Variants in CLIC4 observed in about 807,000 individuals in gnomAD.
CLIC4 encodes the protein CLIC family member 4.
Under a neutral mutation model 24.6 loss-of-function variants are expected in CLIC4, and 13 were observed. The observed-to-expected ratio is 0.53, with a 90% CI of 0.34 to 0.84. The LOEUF (loss-of-function observed/expected upper bound fraction) is 0.84. CLIC4 is among the 40% of genes least tolerant of loss of function. The pLI is 0.01. For missense variants in CLIC4, 227 were observed against 301.7 expected, an observed-to-expected ratio of 0.75 and a Z score of 1.83; for synonymous variants, 104 against 111.3, an observed-to-expected ratio of 0.93 and a Z score of 0.41.
At chr1:24,819,384 T>C (rs924196761) in intron 3 of CLIC4, among the ~76,000 whole-genome samples, 4 of 152,192 alleles carry the variant, frequency 2.6e-5, no homozygotes, top group Non-Finnish European at 5.9e-5. Flanking sequence ...AATTGAAGCT[T>C]TATACGTCTC....
intron 3 of CLIC4, among the ~76,000 whole-genome samples, chr1:24,826,481 C>T (rs1373806456): frequency 1.3e-5 from 2 of 152,124 alleles, no homozygotes; most frequent in African/African-American, 4.8e-5. Context: ...TTTGAGAAGG[C>T]GCGTGAGCTG....
chr1:24,824,052 C>A (rs940590127), intron 3 of CLIC4, among the ~76,000 whole-genome samples: 3 of 152,158 alleles, frequency 2.0e-5, no homozygotes, highest in Non-Finnish European at 4.4e-5. Context: ...TGAGTTCTCA[C>A]AATAATTGAA....
chr1:24,780,495 A>T (rs973394523), intron 1 of CLIC4, among the ~76,000 whole-genome samples: 5 of 152,214 alleles, frequency 3.3e-5, no homozygotes, highest in African/African-American at 1.2e-4. Context: ...ACTCATGGCA[A>T]TCTTGTCACA....
At chr1:24,799,362 C>T (rs1040995719) in intron 2 of CLIC4, among the ~76,000 whole-genome samples, 4 of 150,970 alleles carry the variant, frequency 2.6e-5, no homozygotes, top group Admixed American at 2.0e-4. Flanking sequence ...AGGTGAGGAG[C>T]GTCTCTGTCC....
intron 1 of CLIC4, among the ~76,000 whole-genome samples, chr1:24,774,275 T>G (rs1462211000): frequency 6.6e-6 from 1 of 152,056 alleles, no homozygotes; most frequent in East Asian, 1.9e-4. Flanking sequence ...CACGCCCAGC[T>G]AAGTAACTTC....
rs184101905 is a variant in CLIC4 at position 24,761,909 on chromosome 1, A to G, written c.72+16284A>G. On this transcript the variant is annotated intron_variant, in intron 1 of 5. Transcript: ENST00000374379. ...TTTGTAATTAGAGCCACTGGTCAAG[A>G]GTTGCCGTTCATGGAGAGGGAGGAG... 6.6e-5 allele frequency among the ~76,000 whole-genome samples: 10 copies of G among 152,242 alleles called. No homozygotes were observed. In the East Asian group the frequency reaches 1.7e-3, roughly 26 times the overall value.
intron 1 of CLIC4, among the ~76,000 whole-genome samples, chr1:24,759,424 G>A (rs1638892216): frequency 6.6e-6 from 1 of 151,876 alleles, no homozygotes; most frequent in South Asian, 2.1e-4. Context: ...AGCCATGGTT[G>A]TTGGTGGTAG....
At chr1:24,807,410 C>T (rs1424494931) in intron 2 of CLIC4, among the ~76,000 whole-genome samples, 1 of 152,062 alleles carries the variant, frequency 6.6e-6, no homozygotes, top group Non-Finnish European at 1.5e-5. Flanking sequence ...TGCGCTCTTA[C>T]ACATGGAGCA....
chr1:24,757,662 G>GA (rs112697661), intron 1 of CLIC4, among the ~76,000 whole-genome samples: 3,092 of 151,614 alleles, frequency 0.02, 97 homozygotes, highest in African/African-American at 0.071. Context: ...GACTAATTAG[G>GA]AAAAAAAAGA....
intron 1 of CLIC4, among the ~76,000 whole-genome samples, chr1:24,761,666 T>C (rs956745927): frequency 1.3e-5 from 2 of 152,122 alleles, no homozygotes; most frequent in Non-Finnish European, 2.9e-5. Flanking sequence ...CATCTTAATA[T>C]GAGTAGCCTG....
At chr1:24,808,138 G>T (rs1159173557) in intron 2 of CLIC4, among the ~76,000 whole-genome samples, 1 of 152,076 alleles carries the variant, frequency 6.6e-6, no homozygotes, top group Non-Finnish European at 1.5e-5. Flanking sequence ...TAGAGATGGT[G>T]TTTCGCCATG....
intron 3 of CLIC4, among the ~76,000 whole-genome samples, chr1:24,825,249 C>T (rs1639776407): frequency 6.6e-6 from 1 of 152,080 alleles, no homozygotes; most frequent in East Asian, 1.9e-4. Flanking sequence ...GGAAACTTGG[C>T]TATAGGAAGA....
chr1:24,769,080 G>T (rs950294369), intron 1 of CLIC4, among the ~76,000 whole-genome samples: 3 of 152,040 alleles, frequency 2.0e-5, no homozygotes, highest in Admixed American at 2.0e-4. Context: ...GAGCCACTCT[G>T]ATTGCACCAC....
intron 1 of CLIC4, among the ~76,000 whole-genome samples, chr1:24,749,507 A>G (rs1638748424): frequency 6.6e-6 from 1 of 152,200 alleles, no homozygotes; most frequent in Non-Finnish European, 1.5e-5. Context: ...CTGAACTCAC[A>G]GCTGCATTTC....
intron 2 of CLIC4, among the ~76,000 whole-genome samples, chr1:24,800,548 AC>A (rs2124136896): frequency 6.6e-6 from 1 of 151,462 alleles, no homozygotes; most frequent in East Asian, 2.0e-4. Context: ...CCTGGCCACC[AC>A]CCCGTCTGGG....
intron 4 of CLIC4, 68 bp from the exon 5 acceptor site, chr1:24,839,792 G>T (rs771352030): frequency 3.0e-6 from 4 of 1,353,904 alleles, no homozygotes; most frequent in Admixed American, 2.1e-5. Flanking sequence ...CAAAGAGTCT[G>T]CTTCTCCTTG....
rs1639926782 is a variant in CLIC4 at position 24,840,002 on chromosome 1, A to G, written c.558A>G (p.Leu186=). 5.6e-6 allele frequency: 9 copies of G among 1,614,068 alleles called. No homozygotes were observed. In the East Asian group the frequency reaches 2.0e-4, roughly 36 times the overall value. ...RKFLDGNEMT[L]ADCNLLPKLH... ...TTCTGGATGGCAATGAAATGACATT[A>G]GCTGATTGCAACCTGCTGCCCAAAC... Residue 186 remains leucine, a synonymous_variant, in exon 5 of 6, where the codon TTA becomes TTG. Transcript: ENST00000374379.
intron 3 of CLIC4, among the ~76,000 whole-genome samples, chr1:24,817,979 G>T (rs1161189671): frequency 6.6e-6 from 1 of 152,184 alleles, no homozygotes; most frequent in Non-Finnish European, 1.5e-5. Context: ...TCTTATATGG[G>T]TGTGGTTTGT....
In CLIC4 at chr1:24,826,809, T is replaced by C. The variant is rs540305406; in HGVS notation, c.309-201T>C. 2.6e-5 allele frequency among the ~76,000 whole-genome samples: 4 copies of C among 152,316 alleles called. No individual in the cohort carries two copies. The East Asian group carries it at 7.7e-4, about 29-fold the overall frequency. ...GCCCTGTGGTTGCCAAGAATATTAA[T>C]ATGTGAACAAAAACATAGTGCAGAG... On this transcript the variant is annotated intron_variant, in intron 3 of 5. Transcript: ENST00000374379.
Sources: gnomAD v4.1 joint callset for allele counts (sites outside exome capture counted in the v4.1 genomes callset) on GRCh38, gnomAD v4.1.1 for gene constraint, MANE v1.5 for transcripts, NCBI Gene and HGNC (gene_info 2026-07-23, HGNC 2026-07-21) for gene names.